MYSM1: variants seen among roughly 807,000 people sequenced by gnomAD.
The protein encoded by MYSM1 is Myb like, SWIRM and MPN domains 1.
In MYSM1, 51 loss-of-function variants were observed where a neutral mutation model predicts 116.0. The observed-to-expected ratio is 0.44, with a 90% CI of 0.35 to 0.56. The LOEUF (loss-of-function observed/expected upper bound fraction) is 0.56. Ranked by LOEUF, MYSM1 falls within the 20% of genes least tolerant of loss-of-function variation. The pLI is 0.00. For missense variants in MYSM1, 900 were observed against 974.9 expected (o/e 0.92, Z 1.02); for synonymous variants, 313 against 315.2 (o/e 0.99, Z 0.07).
chr1:58,675,552 T>C lies in MYSM1; in HGVS notation c.1419A>G (p.Thr473=). The C allele has an allele frequency of 6.2e-7, 1 of 1,613,744 alleles. No individual in the cohort carries two copies. Among genetic ancestry groups the C allele is most frequent in the Non-Finnish European group, 8.5e-7 (1 of 1,179,830 alleles). ...CEQAVYNRPQ[T]VDKVRIRDRK... ...TGTCTCTGATTCGTACTTTGTCAACTGTTTGTGGCCTATTATACACAGCCT... is the reference window on the plus strand; with the variant it reads ...TGTCTCTGATTCGTACTTTGTCAACCGTTTGTGGCCTATTATACACAGCCT... Residue 473 remains threonine, a synonymous_variant, in exon 10 of 20, where the codon ACA becomes ACG. Coordinates refer to ENST00000472487, the MANE Select transcript of MYSM1 (RefSeq NM_001085487.3).
chr1:58,699,190 AAT>A (rs1245680068), intron 1 of MYSM1, among the ~76,000 whole-genome samples: 1 of 152,180 alleles, frequency 6.6e-6, no homozygotes, highest in Non-Finnish European at 1.5e-5. Context: ...TTCTGTGTCA[AAT>A]CACACTGGGC....
At chr1:58,673,456 A>G in intron 11 of MYSM1, 117 bp downstream of exon 11, 1 of 833,700 alleles carries the variant, frequency 1.2e-6, no homozygotes, top group East Asian at 2.8e-5. Flanking sequence ...TTAACATGGG[A>G]ATGAACACAT....
Position 58,663,518 on chromosome 1 carries a change from G to A in MYSM1, c.2164+1981C>T, listed in dbSNP as rs144459830. Among the ~76,000 whole-genome samples the A allele has an allele frequency of 3.1e-3, 473 of 152,288 alleles. 4 individuals carry two copies. The highest frequency in any genetic ancestry group is 0.011 in the African/African-American group (439 of 41,554). On this transcript the variant is annotated intron_variant, in intron 17 of 19. Coordinates refer to ENST00000472487, the MANE Select transcript of MYSM1 (RefSeq NM_001085487.3). ...GAAAACCTTAATTCTTGCACCAGAGGATTTCTAAGGGCAAAGCAAAAGACC... is the reference window on the plus strand; with the variant it reads ...GAAAACCTTAATTCTTGCACCAGAGAATTTCTAAGGGCAAAGCAAAAGACC...
At chr1:58,670,716 A>G (rs1021590189) in intron 12 of MYSM1, among the ~76,000 whole-genome samples, 5 of 152,346 alleles carry the variant, frequency 3.3e-5, no homozygotes, top group Middle Eastern at 3.4e-3. Flanking sequence ...TGAAGAATGA[A>G]TGTCTTCGTT....
chr1:58,669,152 G>C (rs989935387), intron 12 of MYSM1, 114 bp from the exon 13 acceptor site: 3 of 701,968 alleles, frequency 4.3e-6, no homozygotes, highest in African/African-American at 3.8e-5. Context: ...GTCTAAATGA[G>C]AGAGTTTTGT....
intron 10 of MYSM1, among the ~76,000 whole-genome samples, chr1:58,674,926 CAA>C (rs1223507192): frequency 2.8e-4 from 16 of 58,094 alleles, no homozygotes; most frequent in Non-Finnish European, 4.0e-4. Flanking sequence ...GACTCTGTCT[CAA>C]AAAAAAAAAA....
chr1:58,692,906 C>T lies in MYSM1; in HGVS notation c.173G>A (p.Ser58Asn). The change falls in exon 3 of 20, where the codon AGT becomes AAT. Residue 58 changes from serine (S) to asparagine (N), a missense_variant. Around this residue, in one of 3 missense-constraint regions of MYSM1, gnomAD observed 622 missense variants for 623.7 expected, o/e 1.00. Coordinates refer to ENST00000472487, the MANE Select transcript of MYSM1 (RefSeq NM_001085487.3). Reference protein sequence around the residue: ...LIPWTLDNTISEENRAVIEKM... With the variant: ...LIPWTLDNTINEENRAVIEKM... ...CTCAATAACAGCTCTGTTCTCTTCA[C>T]TGATGGTGTTATCCAAGGTCCAAGG... 1 of 1,609,640 alleles carries T rather than the reference C, an allele frequency of 6.2e-7. No individual in the cohort carries two copies. Among genetic ancestry groups the T allele is most frequent in the Non-Finnish European group, 8.5e-7 (1 of 1,178,142 alleles).
chr1:58,680,774 C>A (rs958811791), intron 8 of MYSM1, among the ~76,000 whole-genome samples: 14 of 151,956 alleles, frequency 9.2e-5, no homozygotes, highest in Non-Finnish European at 1.8e-4. Flanking sequence ...TGGCCCTATA[C>A]AATTTGATAG....
At chr1:58,678,569 C>A (rs1194960764) in intron 8 of MYSM1, among the ~76,000 whole-genome samples, 1 of 152,042 alleles carries the variant, frequency 6.6e-6, no homozygotes, top group Non-Finnish European at 1.5e-5. Flanking sequence ...GATTCAACAA[C>A]AAACAAAACA....
rs563281953 is a variant in MYSM1, at chr1:58,668,938, G to GA, written c.1716+45_1716+46insT. The GA allele has an allele frequency of 6.7e-3, 9,687 of 1,447,712 alleles. 49 individuals carry two copies. Among genetic ancestry groups the GA allele is most frequent in the Non-Finnish European group, 7.7e-3 (8,041 of 1,044,674 alleles). 89.7% of individuals were successfully genotyped at this position (1,447,712 alleles called of 1,614,324 possible). A position where few individuals can be genotyped will look rare whatever the true frequency, so the allele number is the denominator to read the frequency against. On this transcript the variant is annotated intron_variant, in intron 13 of 19. Transcript: ENST00000472487. ...AGAGTAAGCATTTCCTGTTTGACGG[G>GA]GAAGCGGGGATTGTCTACTGTCATT...
At position 58,658,488 on chromosome 1, in the gene MYSM1, T is replaced by G. The variant is rs994189826; in HGVS notation, c.*1509A>C. ...ACTTCAGTTACACAAGAATTAAGGC[T>G]CAGGGAAAGTAAACTGTATCTCCCC... On this transcript the variant is annotated 3_prime_UTR_variant, in exon 20 of 20. Coordinates refer to ENST00000472487, the MANE Select transcript of MYSM1 (RefSeq NM_001085487.3). 4 of 152,150 alleles carry G rather than the reference T, an allele frequency of 2.6e-5. No individual in the cohort carries two copies. The highest frequency in any genetic ancestry group is 9.7e-5 in the African/African-American group (4 of 41,440). 9.4% of individuals were successfully genotyped at this position (152,150 alleles called of 1,614,324 possible).
In MYSM1 at chr1:58,682,475, T is replaced by G; in HGVS notation, c.569A>C (p.Asp190Ala). Residue 190 changes from aspartate (D) to alanine (A), a missense_variant, in exon 8 of 20, where the codon GAT becomes GCT. Transcript: ENST00000472487. ...TGHNLQVKNE[D>A]KGTKAWTPSC... Reference sequence around the variant, plus strand: ...TGGTGTCCATGCCTTTGTCCCTTTATCTTCATTTTTAACTTGAAGATTATG... The same window carrying G: ...TGGTGTCCATGCCTTTGTCCCTTTAGCTTCATTTTTAACTTGAAGATTATG... The G allele has an allele frequency of 6.2e-7, 1 of 1,614,080 alleles. No homozygotes were observed. The highest frequency in any genetic ancestry group is 8.5e-7 in the Non-Finnish European group (1 of 1,179,984).
At chr1:58,673,838 C>T (rs1644602268) in intron 10 of MYSM1, among the ~76,000 whole-genome samples, 188 bp from the exon 11 acceptor site, 1 of 152,144 alleles carries the variant, frequency 6.6e-6, no homozygotes, top group Non-Finnish European at 1.5e-5. Flanking sequence ...ACTCTAGTTA[C>T]AAATATAATA....
chr1:58,685,125 T>C (rs1156996490), intron 7 of MYSM1, 28 bp downstream of exon 7: 8 of 1,505,096 alleles, frequency 5.3e-6, no homozygotes, highest in East Asian at 2.3e-5. Flanking sequence ...ATTATCATTA[T>C]TAACCAGGAT....
chr1:58,681,019 A>G (rs111932724), intron 8 of MYSM1, among the ~76,000 whole-genome samples: 1,575 of 152,158 alleles, frequency 0.01, 16 homozygotes, highest in South Asian at 0.045. Context: ...TAGAAGGGAC[A>G]GGGTTTCACC....
At position 58,675,463 on chromosome 1, in the gene MYSM1, A is replaced by T; in HGVS notation, c.1494+14T>A. 1 of 1,584,390 alleles carries T rather than the reference A, an allele frequency of 6.3e-7. No homozygotes were observed. Among genetic ancestry groups the T allele is most frequent in the Non-Finnish European group, 8.6e-7 (1 of 1,156,100 alleles). On this transcript the variant is annotated intron_variant, in intron 10 of 19. Coordinates refer to ENST00000472487, the MANE Select transcript of MYSM1 (RefSeq NM_001085487.3). ...AGCAATGTGGAGAGATCACTGAGAGAGATGACTGCTTACCATAGACTGCAG... is the reference window on the plus strand; with the variant it reads ...AGCAATGTGGAGAGATCACTGAGAGTGATGACTGCTTACCATAGACTGCAG...
At chr1:58,664,132 T>C (rs1285712144) in intron 17 of MYSM1, among the ~76,000 whole-genome samples, 1 of 152,220 alleles carries the variant, frequency 6.6e-6, no homozygotes, top group African/African-American at 2.4e-5. Context: ...TCACACGTAC[T>C]GCTATTGTAC....
chr1:58,673,175 G>A lies in MYSM1; in HGVS notation c.1572+398C>T, dbSNP rs576993365. 5.3e-5 allele frequency among the ~76,000 whole-genome samples: 8 copies of A among 151,990 alleles called. No homozygotes were observed. The East Asian group carries it at 1.5e-3, about 29-fold the overall frequency. ...ATTCACACATTCTATCCATTCTACT[G>A]CACTAGCTGTTACAAAAAATATATA... On this transcript the variant is annotated intron_variant, in intron 11 of 19. Coordinates refer to ENST00000472487, the MANE Select transcript of MYSM1 (RefSeq NM_001085487.3).
In MYSM1 at chr1:58,690,238, G is replaced by A; in HGVS notation, c.308C>T (p.Thr103Ile). 1 of 1,569,842 alleles carries A rather than the reference G, an allele frequency of 6.4e-7. No individual in the cohort carries two copies. The highest frequency in any genetic ancestry group is 8.6e-7 in the Non-Finnish European group (1 of 1,161,122). The part of the protein sequence containing the change: ...DKKYMKSLQK[T>I]AKIMVHSPTK... Reference sequence around the variant, plus strand: ...TATAAGTACATACATGATTTTTGCTGTTTTCTGCAGACTGCATCACATGAA... The same window carrying A: ...TATAAGTACATACATGATTTTTGCTATTTTCTGCAGACTGCATCACATGAA... The change falls in exon 5 of 20, where the codon ACA (threonine) becomes ATA (isoleucine). Residue 103 changes from threonine (T) to isoleucine (I), a missense_variant. Thr to Ile is a moderately conservative substitution (Grantham distance 89). This residue lies in a region of MYSM1 where 622 missense variants were observed against 623.7 expected (regional missense o/e 1.00). Coordinates refer to ENST00000472487, the MANE Select transcript of MYSM1 (RefSeq NM_001085487.3).
Sources: gnomAD v4.1 joint callset for allele counts (sites outside exome capture counted in the v4.1 genomes callset) on GRCh38, gnomAD v4.1.1 for gene constraint, gnomAD v4.1.1 regional missense constraint, MANE v1.5 for transcripts, NCBI Gene and HGNC (gene_info 2026-07-23, HGNC 2026-07-21) for gene names.